The following TSPAN11 variants were observed in gnomAD, a reference collection of about 807,000 sequenced individuals.
The protein encoded by TSPAN11 is tetraspanin-11.
TSPAN11 carries 29 observed loss-of-function variants against 32.9 expected under a neutral mutation model. The ratio of observed to expected loss-of-function variants is 0.88; its 90% confidence interval spans 0.66 to 1.20. TSPAN11 has a LOEUF of 1.20. Among genes scored for constraint, TSPAN11 ranks in the 50% most tolerant of loss-of-function variants. The pLI, the probability that TSPAN11 is intolerant of heterozygous loss-of-function variation, is 0.00. For missense variants in TSPAN11, 283 were observed against 329.1 expected (o/e 0.86, Z 1.08); for synonymous variants, 140 against 141.3 (o/e 0.99, Z 0.07).
chr12:31,000,110 T>C (rs1939463727), downstream of TSPAN11, among the ~76,000 whole-genome samples: 1 of 152,236 alleles, frequency 6.6e-6, no homozygotes, highest in Non-Finnish European at 1.5e-5. Flanking sequence ...TCTCAATTGA[T>C]GAATGCTTTA....
chr12:31,005,723 A>C, the TSPAN11 span: 1 of 156,116 alleles, frequency 6.4e-6, no homozygotes, highest in Non-Finnish European at 1.4e-5. Context: ...CAGAGCATCC[A>C]GTAGAGGAGC....
intron 1 of TSPAN11, among the ~76,000 whole-genome samples, chr12:30,928,691 G>A (rs746625767): frequency 1.3e-5 from 2 of 152,178 alleles, no homozygotes; most frequent in African/African-American, 2.4e-5. Flanking sequence ...ACCTCTCTGG[G>A]TCTGCTTCTT....
rs563853738 is a variant in TSPAN11, at chr12:30,926,994, G to C, written c.-12+198G>C. On this transcript the variant is annotated intron_variant, in intron 1 of 7. Coordinates refer to ENST00000546076, the MANE Select transcript of TSPAN11 (RefSeq NM_001370302.1). ...CAGGAATGCCTGGGACACTCGCGGG[G>C]CATGTGAGCAGGTATTGGTGTCTGC... 5.1e-5 allele frequency: 66 copies of C among 1,283,170 alleles called. No homozygotes were observed. The African/African-American group carries it at 9.5e-4, about 18-fold the overall frequency. 79.5% of individuals were successfully genotyped at this position (1,283,170 alleles called of 1,614,324 possible).
At chr12:30,970,774 C>A (rs1938832538) in intron 3 of TSPAN11, among the ~76,000 whole-genome samples, 1 of 152,234 alleles carries the variant, frequency 6.6e-6, no homozygotes, top group Non-Finnish European at 1.5e-5. Context: ...GTAGAGGTTA[C>A]CTCCATCCTT....
rs1361645270 is a variant in TSPAN11 at position 30,993,832 on chromosome 12, G to C, written c.*1917G>C. On this transcript the variant is annotated 3_prime_UTR_variant, in exon 8 of 8. Transcript: ENST00000546076. ...CATGTTCTTCCTGCCGAGGTGCCAG[G>C]GGGAGGCGGCAGTGGGCAGGGGGTG... The C allele has an allele frequency of 6.6e-6, 1 of 152,490 alleles. No homozygotes were observed. Among genetic ancestry groups the C allele is most frequent in the Admixed American group, 6.5e-5 (1 of 15,296 alleles). 9.4% of individuals were successfully genotyped at this position (152,490 alleles called of 1,614,324 possible).
intron 7 of TSPAN11, among the ~76,000 whole-genome samples, chr12:30,987,521 C>T (rs1215789546): frequency 1.3e-5 from 2 of 152,064 alleles, no homozygotes; most frequent in East Asian, 1.9e-4. Context: ...GCGGGAGAAA[C>T]GCTTGAACCC....
At chr12:30,966,000 CATT>C (rs1263151181) in intron 3 of TSPAN11, among the ~76,000 whole-genome samples, 1 of 124,126 alleles carries the variant, frequency 8.1e-6, no homozygotes, top group Admixed American at 9.4e-5. Context: ...TTTCTCAAAA[CATT>C]ATGAGATTTT....
rs901252034 is a variant in TSPAN11, at chr12:30,995,531, C to T, written c.*3616C>T. On this transcript the variant is annotated 3_prime_UTR_variant, in exon 8 of 8. Transcript: ENST00000546076. The stretch of plus-strand genomic sequence containing the variant: ...TATGGTAGATCATTGTGATGTGCCT[C>T]GGGGCCCTCTTGCCTTGGAGCCAGC... 3.9e-5 allele frequency: 6 copies of T among 152,262 alleles called. No homozygotes were observed. Among genetic ancestry groups the T allele is most frequent in the African/African-American group, 1.4e-4 (6 of 41,426 alleles). The allele number at this position is 152,262 out of a possible 1,614,324, so 9.4% of individuals were successfully genotyped here.
At chr12:30,937,197 CAGT>C (rs887706890) in intron 1 of TSPAN11, among the ~76,000 whole-genome samples, 4 of 152,118 alleles carry the variant, frequency 2.6e-5, no homozygotes, top group Admixed American at 2.6e-4. Flanking sequence ...GGAGGTCAGA[CAGT>C]GGTGGGGTGC....
At chr12:30,999,993 T>C (rs563593147), downstream of TSPAN11, among the ~76,000 whole-genome samples, 64 of 151,044 alleles carry the variant, frequency 4.2e-4, 1 homozygote, top group South Asian at 0.013. Flanking sequence ...TTGGCTCAAA[T>C]GTGCCCTGTG....
chr12:30,996,231 AT>A lies in TSPAN11; in HGVS notation c.*4320del. ...GGGACAAGTTACACACCCCAGCCCC[AT>A]TTTCCCACCAACTTCTACATGCCTT... is the stretch of plus-strand genomic sequence containing the variant. On this transcript the variant is annotated 3_prime_UTR_variant, in exon 8 of 8. Coordinates refer to ENST00000546076, the MANE Select transcript of TSPAN11 (RefSeq NM_001370302.1). The A allele has an allele frequency of 6.6e-6, 1 of 152,176 alleles. No individual in the cohort carries two copies. The highest frequency in any genetic ancestry group is 1.5e-5 in the Non-Finnish European group (1 of 68,024). The allele number at this position is 152,176 out of a possible 1,614,324, so 9.4% of individuals were successfully genotyped here.
intron 1 of TSPAN11, among the ~76,000 whole-genome samples, chr12:30,950,300 C>A (rs1461505093): frequency 6.6e-6 from 1 of 152,208 alleles, no homozygotes. Flanking sequence ...CACTGGGGTG[C>A]AGAGAGGACT....
At chr12:31,010,950 A>G in the TSPAN11 span, among the ~76,000 whole-genome samples, 3 of 152,200 alleles carry the variant, frequency 2.0e-5, no homozygotes, top group Non-Finnish European at 4.4e-5. Flanking sequence ...GAGAGCACCT[A>G]TGTTAAATTG....
intron 5 of TSPAN11, among the ~76,000 whole-genome samples, chr12:30,981,411 T>C (rs181095240): frequency 7.2e-5 from 11 of 152,310 alleles, no homozygotes; most frequent in Admixed American, 2.0e-4. Context: ...ATCACCTCTT[T>C]CAGTCCTTAC....
At chr12:31,007,759 G>A in the TSPAN11 span, among the ~76,000 whole-genome samples, 2 of 152,204 alleles carry the variant, frequency 1.3e-5, no homozygotes, top group Admixed American at 6.5e-5. Flanking sequence ...TAATTTCACA[G>A]CCTGACATGC....
intron 2 of TSPAN11, among the ~76,000 whole-genome samples, chr12:30,959,165 C>T (rs762008871): frequency 6.6e-6 from 1 of 152,102 alleles, no homozygotes; most frequent in Non-Finnish European, 1.5e-5. Context: ...TGGGGCGGCT[C>T]CCGGGTACCA....
intron 3 of TSPAN11, among the ~76,000 whole-genome samples, chr12:30,977,003 A>G (rs559641720): frequency 6.6e-6 from 1 of 152,330 alleles, no homozygotes; most frequent in Admixed American, 6.5e-5. Flanking sequence ...GCTAGGCCTG[A>G]CACTGTTATT....
intron 2 of TSPAN11, among the ~76,000 whole-genome samples, chr12:30,961,486 C>T (rs1238853804): frequency 6.6e-6 from 1 of 151,894 alleles, no homozygotes; most frequent in Non-Finnish European, 1.5e-5. Flanking sequence ...CCTCCCGTGA[C>T]CCCCTCTGGT....
intron 1 of TSPAN11, among the ~76,000 whole-genome samples, chr12:30,942,921 A>G (rs183080716): frequency 2.4e-4 from 36 of 152,284 alleles, no homozygotes; most frequent in Admixed American, 7.8e-4. Flanking sequence ...CCTGCACACA[A>G]TGAACATGGT....
Sources: allele counts gnomAD v4.1 joint callset (sites outside exome capture counted in the v4.1 genomes callset), GRCh38; gene constraint gnomAD v4.1.1; transcripts MANE v1.5; gene names NCBI Gene and HGNC (gene_info 2026-07-23, HGNC 2026-07-21).